Variants in ADARB2 observed in about 807,000 individuals in gnomAD.
ADARB2 encodes the protein adenosine deaminase RNA specific B2 (inactive), also known as inactive double-stranded RNA-specific editase B2.
A neutral mutation model predicts 62.2 loss-of-function variants in ADARB2; 25 were observed. That is an observed-to-expected ratio of 0.40 (90% CI 0.29 to 0.56). The LOEUF is 0.56. Among genes scored for constraint, ADARB2 ranks in the 20% least tolerant of loss-of-function variants. The pLI is 0.43. For synonymous variants in ADARB2, 572 were observed against 500.8 expected, an observed-to-expected ratio of 1.14 and a Z score of -1.90; for missense variants, 1,071 against 1,077.4, an observed-to-expected ratio of 0.99 and a Z score of 0.08.
At chr10:1,198,644 G>A (rs571446692) in intron 8 of ADARB2, among the ~76,000 whole-genome samples, 10 of 152,258 alleles carry the variant, frequency 6.6e-5, no homozygotes, top group Admixed American at 1.3e-4. Flanking sequence ...ACCTGGGATC[G>A]GAAGCAGACA....
At chr10:1,495,351 C>G (rs969635354) in intron 1 of ADARB2, among the ~76,000 whole-genome samples, 1 of 152,180 alleles carries the variant, frequency 6.6e-6, no homozygotes, top group African/African-American at 2.4e-5. Flanking sequence ...CATTTATTTA[C>G]AAAACTCCTC....
rs912117594 is a variant in ADARB2, at chr10:1,403,764, G to C, written c.101-24604C>G. Among the ~76,000 whole-genome samples, 4 of 152,312 alleles carry C rather than the reference G, an allele frequency of 2.6e-5. No homozygotes were observed. The East Asian group carries it at 7.7e-4, about 29-fold the overall frequency. ...CTCTGTAACCCACAGGCTTTCTCAT[G>C]CAATGCAGTATTGGAGGCACGTCCC... On this transcript the variant is annotated intron_variant, in intron 1 of 9. Coordinates refer to ENST00000381312, the MANE Select transcript of ADARB2 (RefSeq NM_018702.4).
chr10:1,454,330 C>A (rs937565566), intron 1 of ADARB2, among the ~76,000 whole-genome samples: 1 of 152,114 alleles, frequency 6.6e-6, no homozygotes, highest in African/African-American at 2.4e-5. Context: ...GGTGGGAACA[C>A]AGAGCCAAAC....
At chr10:1,433,412 G>C (rs544169426) in intron 1 of ADARB2, among the ~76,000 whole-genome samples, 10 of 152,332 alleles carry the variant, frequency 6.6e-5, no homozygotes, top group African/African-American at 2.4e-4. Context: ...AAAAGGCAGA[G>C]AGTATTGTCA....
chr10:1,584,656 T>C (rs1833151334), intron 1 of ADARB2, among the ~76,000 whole-genome samples: 1 of 152,240 alleles, frequency 6.6e-6, no homozygotes, highest in African/African-American at 2.4e-5. Context: ...TTGTAGGAGC[T>C]TTATCCATAA....
At chr10:1,565,514 G>A (rs982591237) in intron 1 of ADARB2, among the ~76,000 whole-genome samples, 12 of 152,172 alleles carry the variant, frequency 7.9e-5, no homozygotes, top group Middle Eastern at 3.2e-3. Flanking sequence ...AAGAGGCTGA[G>A]GGGAGGCAGC....
At chr10:1,388,682 C>G (rs995493317) in intron 1 of ADARB2, among the ~76,000 whole-genome samples, 1 of 152,128 alleles carries the variant, frequency 6.6e-6, no homozygotes, top group African/African-American at 2.4e-5. Context: ...AACCTCTACA[C>G]TCACATTTAC....
chr10:1,524,399 C>T (rs1832114391), intron 1 of ADARB2, among the ~76,000 whole-genome samples: 1 of 152,186 alleles, frequency 6.6e-6, no homozygotes, highest in Admixed American at 6.5e-5. Context: ...CTTAATATCT[C>T]TTTGGTCCAC....
At chr10:1,337,440 CA>C in intron 3 of ADARB2, among the ~76,000 whole-genome samples, 1 of 152,310 alleles carries the variant, frequency 6.6e-6, no homozygotes, top group Non-Finnish European at 1.5e-5. Flanking sequence ...TCAGTGATGC[CA>C]TTGAAATGCT....
chr10:1,191,818 A>G (rs189490262), intron 8 of ADARB2, among the ~76,000 whole-genome samples: 16 of 152,282 alleles, frequency 1.1e-4, no homozygotes, highest in African/African-American at 3.6e-4. Context: ...TTTTTGCTAA[A>G]CACACACAAT....
Position 1,398,083 on chromosome 10 carries a change from C to A in ADARB2, c.101-18923G>T, listed in dbSNP as rs1214489767. ...CCCGAGTGCAGGCTTCCTGGGTCAC[C>A]GCCCTCCTCTCCCCTCCCGAGTGCA... is the stretch of plus-strand genomic sequence containing the variant. On this transcript the variant is annotated intron_variant, in intron 1 of 9. Coordinates refer to ENST00000381312, the MANE Select transcript of ADARB2 (RefSeq NM_018702.4). The surrounding 1 kb of genome is among the most constrained non-coding windows in gnomAD (Gnocchi z 4.1). Among the ~76,000 whole-genome samples the A allele has an allele frequency of 7.0e-6, 1 of 142,872 alleles. No homozygotes were observed. Among genetic ancestry groups the A allele is most frequent in the African/African-American group, 2.7e-5 (1 of 37,630 alleles). 93.7% of individuals were successfully genotyped at this position (142,872 alleles called of 152,430 possible).
chr10:1,293,037 A>AAGAG (rs79819666), intron 3 of ADARB2: 57,763 of 66,810 alleles, frequency 0.86, 25,269 homozygotes, highest in East Asian at 0.89. Context: ...GGGACACAGG[A>AAGAG]AGAGATGCAG....
At chr10:1,351,098 G>T (rs923470442) in intron 3 of ADARB2, among the ~76,000 whole-genome samples, 1 of 152,130 alleles carries the variant, frequency 6.6e-6, no homozygotes, top group Non-Finnish European at 1.5e-5. Context: ...TCCCATCTGT[G>T]CAGGACCCCA....
intron 1 of ADARB2, among the ~76,000 whole-genome samples, chr10:1,522,382 A>G (rs183993092): frequency 2.3e-3 from 355 of 152,276 alleles, no homozygotes; most frequent in African/African-American, 8.3e-3. Context: ...AGGCAGGAAA[A>G]TTCGCTGTGG....
At chr10:1,336,184 C>G (rs1349907309) in intron 3 of ADARB2, among the ~76,000 whole-genome samples, 2 of 152,184 alleles carry the variant, frequency 1.3e-5, no homozygotes, top group Non-Finnish European at 2.9e-5. Flanking sequence ...GGCCTACAAA[C>G]AATGGGATCC....
chr10:1,197,778 G>A (rs1487137351), intron 8 of ADARB2, among the ~76,000 whole-genome samples: 3 of 152,124 alleles, frequency 2.0e-5, no homozygotes, highest in African/African-American at 7.2e-5. Context: ...CACAAACAGC[G>A]AATTTATCCT....
In ADARB2 at chr10:1,594,074, G is replaced by A. The variant is rs565840017; in HGVS notation, c.100+142977C>T. The stretch of plus-strand genomic sequence containing the variant: ...TGGGAGGCCGAGGCTGGTAGATCAC[G>A]AGGTCAGGAGTTCGGGACCAGCCTG... On this transcript the variant is annotated intron_variant, in intron 1 of 9. Coordinates refer to ENST00000381312, the MANE Select transcript of ADARB2 (RefSeq NM_018702.4). Among the ~76,000 whole-genome samples, 106 of 152,196 alleles carry A rather than the reference G, an allele frequency of 7.0e-4. 1 individual carries two copies. The highest frequency in any genetic ancestry group is 1.8e-3 in the African/African-American group (75 of 41,516).
intron 1 of ADARB2, among the ~76,000 whole-genome samples, chr10:1,726,672 C>T (rs1835168873): frequency 6.6e-6 from 1 of 152,224 alleles, no homozygotes; most frequent in African/African-American, 2.4e-5. Context: ...AGGCAGGCAG[C>T]ACTTGCCCTG....
At chr10:1,337,082 G>GTGTGTGTA (rs1554755020) in intron 3 of ADARB2, among the ~76,000 whole-genome samples, 7 of 151,416 alleles carry the variant, frequency 4.6e-5, no homozygotes, top group African/African-American at 1.5e-4. Context: ...GTGTGTGTGT[G>GTGTGTGTA]TGTGTGTGTG....
Sources: allele counts gnomAD v4.1 joint callset (sites outside exome capture counted in the v4.1 genomes callset), GRCh38; gene constraint gnomAD v4.1.1; non-coding constraint Gnocchi (gnomAD v3.1); transcripts MANE v1.5; gene names NCBI Gene and HGNC (gene_info 2026-07-23, HGNC 2026-07-21).